Variants in TTC28 observed in about 807,000 individuals in gnomAD.
The protein encoded by TTC28 is tetratricopeptide repeat domain 28.
Under a neutral mutation model 198.0 loss-of-function variants are expected in TTC28, and 61 were observed. That is an observed-to-expected ratio of 0.31 (90% CI 0.25 to 0.38). The LOEUF is 0.38. TTC28 is among the 10% of genes least tolerant of loss of function. The pLI is 1.00. For missense variants in TTC28, 2,678 were observed against 3,164.0 expected (o/e 0.85, Z 3.69); for synonymous variants, 1,171 against 1,297.8 (o/e 0.90, Z 2.10).
At chr22:28,528,737 T>TAAA (rs5844812) in intron 2 of TTC28, among the ~76,000 whole-genome samples, 11 of 89,860 alleles carry the variant, frequency 1.2e-4, no homozygotes, top group East Asian at 5.9e-4. Flanking sequence ...CCCTGTCTCA[T>TAAA]AAAAAAAAAA....
intron 20 of TTC28, 119 bp from the exon 21 acceptor site, chr22:27,990,126 G>C (rs933403371): frequency 4.6e-6 from 6 of 1,312,720 alleles, no homozygotes; most frequent in Non-Finnish European, 6.1e-6. Flanking sequence ...CCTCTCATGA[G>C]TGTAGCATTT....
chr22:28,440,584 G>A (rs1395475753), intron 2 of TTC28, among the ~76,000 whole-genome samples: 2 of 152,148 alleles, frequency 1.3e-5, no homozygotes, highest in African/African-American at 4.8e-5. Flanking sequence ...TACCACAAAT[G>A]CTGCTTGGGG....
At chr22:28,125,920 A>G (rs1942902792) in intron 6 of TTC28, among the ~76,000 whole-genome samples, 1 of 152,210 alleles carries the variant, frequency 6.6e-6, no homozygotes, top group Non-Finnish European at 1.5e-5. Context: ...GGTGAAAAAA[A>G]TACTACTCTG....
At chr22:28,214,314 C>CA (rs1453246443) in intron 5 of TTC28, among the ~76,000 whole-genome samples, 2 of 152,108 alleles carry the variant, frequency 1.3e-5, no homozygotes, top group Non-Finnish European at 2.9e-5. Flanking sequence ...TTCTGCACAG[C>CA]AAAAGAAACT....
chr22:28,039,454 G>T (rs1168580557), intron 12 of TTC28, among the ~76,000 whole-genome samples: 1 of 151,560 alleles, frequency 6.6e-6, no homozygotes, highest in East Asian at 1.9e-4. Context: ...CTCACTCATA[G>T]GTGGGAATTG....
chr22:28,332,412 G>C (rs977738005), intron 2 of TTC28, among the ~76,000 whole-genome samples: 1 of 151,362 alleles, frequency 6.6e-6, no homozygotes, highest in African/African-American at 2.4e-5. Context: ...AAAAGCCCTT[G>C]AAAAAAAAGT....
intron 2 of TTC28, among the ~76,000 whole-genome samples, chr22:28,508,402 G>A (rs1312753730): frequency 6.6e-6 from 1 of 152,132 alleles, no homozygotes; most frequent in African/African-American, 2.4e-5. Flanking sequence ...CCCTATCTCA[G>A]CCTCCTGAGT....
intron 19 of TTC28, among the ~76,000 whole-genome samples, chr22:27,991,245 A>C (rs1937395858): frequency 6.6e-6 from 1 of 152,160 alleles, no homozygotes; most frequent in Non-Finnish European, 1.5e-5. Flanking sequence ...GCTCCCATCA[A>C]AAGCAAGAAA....
chr22:28,160,932 A>G (rs992478685), intron 6 of TTC28, among the ~76,000 whole-genome samples: 2 of 152,198 alleles, frequency 1.3e-5, no homozygotes, highest in Non-Finnish European at 1.5e-5. Context: ...TTTCACAGAA[A>G]CCTAGAGAGA....
At chr22:28,242,959 C>T (rs1226637493) in intron 5 of TTC28, among the ~76,000 whole-genome samples, 2 of 148,692 alleles carry the variant, frequency 1.3e-5, no homozygotes, top group East Asian at 3.9e-4. Context: ...AAGATAGGTA[C>T]AGAAAATGAG....
chr22:28,629,884 C>T lies in TTC28; in HGVS notation c.103-54G>A, dbSNP rs980905614. On this transcript the variant is annotated intron_variant, in intron 1 of 22. Transcript: ENST00000397906. ...AGTTCAGATAATCCAGATGGGTTCC[C>T]CATCTGCTAAGATTTGGATGTCTGT... 8 of 1,457,760 alleles carry T rather than the reference C, an allele frequency of 5.5e-6. No homozygotes were observed. In the Admixed American group the frequency reaches 7.0e-5, roughly 13 times the overall value. 90.3% of individuals were successfully genotyped at this position (1,457,760 alleles called of 1,614,324 possible).
intron 2 of TTC28, among the ~76,000 whole-genome samples, chr22:28,437,294 G>A (rs2047535475): frequency 6.6e-6 from 1 of 152,078 alleles, no homozygotes; most frequent in Admixed American, 6.6e-5. Context: ...TGTTGGTCAG[G>A]CTGGTCTCGA....
In TTC28 at chr22:28,001,461, C is replaced by T. The variant is rs1937687812; in HGVS notation, c.4311G>A (p.Leu1437=). The T allele has an allele frequency of 6.4e-7, 1 of 1,551,624 alleles. No homozygotes were observed. Among genetic ancestry groups the T allele is most frequent in the Non-Finnish European group, 8.7e-7 (1 of 1,147,004 alleles). ...GELYLIPFAL[L]KGSSSNEYLY... is the part of the protein sequence containing the mutation. ...GGTACTCATTGGAGGAGCTTCCCTT[C>T]AGGAGGGCGAAAGGAATGAGGTAGA... Residue 1437 remains leucine, a synonymous_variant, in exon 15 of 23, where the codon CTG becomes CTA. Transcript: ENST00000397906.
chr22:28,607,763 T>C (rs1168506495), intron 2 of TTC28, among the ~76,000 whole-genome samples: 1 of 152,206 alleles, frequency 6.6e-6, no homozygotes, highest in Non-Finnish European at 1.5e-5. Context: ...ATGATTGTTA[T>C]GAGGATCTGC....
intron 6 of TTC28, among the ~76,000 whole-genome samples, chr22:28,154,412 C>CACT (rs1569166138): frequency 1.4e-5 from 2 of 146,300 alleles, no homozygotes; most frequent in East Asian, 4.1e-4. Context: ...AGTGCAGTGG[C>CACT]GCGATCTCGG....
intron 2 of TTC28, among the ~76,000 whole-genome samples, chr22:28,507,737 G>C (rs1191683370): frequency 6.6e-6 from 1 of 152,202 alleles, no homozygotes; most frequent in African/African-American, 2.4e-5. Context: ...AGCCAGAAGA[G>C]AGTGGGGGCC....
At chr22:28,601,970 C>G (rs756772786) in intron 2 of TTC28, among the ~76,000 whole-genome samples, 3 of 150,358 alleles carry the variant, frequency 2.0e-5, no homozygotes, top group Non-Finnish European at 3.0e-5. Flanking sequence ...GACACAAGCA[C>G]AAAAATATTA....
At chr22:27,985,519 T>C (rs1172911021) in intron 21 of TTC28, among the ~76,000 whole-genome samples, 163 bp from the exon 22 acceptor site, 1 of 152,216 alleles carries the variant, frequency 6.6e-6, no homozygotes, top group Non-Finnish European at 1.5e-5. Flanking sequence ...AGGTTGGTCA[T>C]GTGGCAGAGG....
intron 2 of TTC28, among the ~76,000 whole-genome samples, chr22:28,435,022 T>C (rs932740073): frequency 3.3e-5 from 5 of 152,198 alleles, no homozygotes; most frequent in East Asian, 3.8e-4. Context: ...AGATATAAGA[T>C]AGATAAATTT....
Sources: gnomAD v4.1 joint callset for allele counts (sites outside exome capture counted in the v4.1 genomes callset) on GRCh38, gnomAD v4.1.1 for gene constraint, MANE v1.5 for transcripts, NCBI Gene and HGNC (gene_info 2026-07-23, HGNC 2026-07-21) for gene names.